The following FXN variants were observed in gnomAD, a reference collection of about 807,000 sequenced individuals.
FXN encodes frataxin, mitochondrial.
FXN carries 14 observed loss-of-function variants against 22.4 expected under a neutral mutation model. That is an observed-to-expected ratio of 0.62 (90% CI 0.41 to 0.98). The LOEUF (loss-of-function observed/expected upper bound fraction) is 0.98, where lower values mean the gene tolerates loss of function less well. Ranked by LOEUF, FXN falls within the 50% of genes least tolerant of loss-of-function variation. The pLI, the probability that FXN is intolerant of heterozygous loss-of-function variation, is 0.00. For missense variants in FXN, 267 were observed against 268.4 expected, an observed-to-expected ratio of 0.99 and a Z score of 0.04; for synonymous variants, 120 against 114.1, an observed-to-expected ratio of 1.05 and a Z score of -0.33.
At chr9:69,051,161 G>A (rs186035010) in intron 2 of FXN, among the ~76,000 whole-genome samples, 2 of 152,288 alleles carry the variant, frequency 1.3e-5, no homozygotes, top group Admixed American at 1.3e-4. Context: ...GCAATGGCAC[G>A]ATCACAGCTC....
chr9:69,038,561 C>T (rs1210653343), intron 1 of FXN, among the ~76,000 whole-genome samples: 2 of 152,170 alleles, frequency 1.3e-5, no homozygotes, highest in African/African-American at 2.4e-5. Flanking sequence ...CACGGTGGCT[C>T]ACGACTGTAA....
At chr9:69,037,904 G>A (rs1274756159) in intron 1 of FXN, among the ~76,000 whole-genome samples, 7 of 152,114 alleles carry the variant, frequency 4.6e-5, no homozygotes, top group African/African-American at 1.4e-4. Context: ...CGCCCACCTC[G>A]CCCTCCCAAA....
At chr9:69,042,823 C>A (rs765443063) in intron 1 of FXN, among the ~76,000 whole-genome samples, 3 of 152,180 alleles carry the variant, frequency 2.0e-5, no homozygotes, top group Non-Finnish European at 4.4e-5. Flanking sequence ...AGACACTTTT[C>A]CTTGGATGTT....
Position 69,035,855 on chromosome 9 carries a change from A to C in FXN, c.73A>C (p.Thr25Pro). ...CAGCCCAGCCCAGGCCCAGACCCTC[A>C]CCCGGGTCCCGCGGCCGGCAGAGTT... ...SPSPAQAQTL[T>P]RVPRPAELAP... The change falls in exon 1 of 5, where the codon ACC (threonine) becomes CCC (proline). Residue 25 changes from threonine to proline, a missense_variant. Coordinates refer to ENST00000484259, the MANE Select transcript of FXN (RefSeq NM_000144.5). 1 of 1,497,826 alleles carries C rather than the reference A, an allele frequency of 6.7e-7. No individual in the cohort carries two copies. The highest frequency in any genetic ancestry group is 8.8e-7 in the Non-Finnish European group (1 of 1,130,394). 92.8% of individuals were successfully genotyped at this position (1,497,826 alleles called of 1,614,324 possible). A position where few individuals can be genotyped will look rare whatever the true frequency, so the allele number is the denominator to read the frequency against.
chr9:69,049,284 T>G (rs1331908520), intron 2 of FXN, among the ~76,000 whole-genome samples: 1 of 152,114 alleles, frequency 6.6e-6, no homozygotes, highest in African/African-American at 2.4e-5. Flanking sequence ...CAGCCTCTCC[T>G]ACGCATTCTC....
intron 2 of FXN, among the ~76,000 whole-genome samples, chr9:69,049,999 C>A (rs1228068573): frequency 3.9e-5 from 6 of 152,230 alleles, no homozygotes. Flanking sequence ...CCAGCCCCTG[C>A]AAGCAAGCTG....
At chr9:69,053,897 C>G (rs908587376) in intron 3 of FXN, among the ~76,000 whole-genome samples, 2 of 152,188 alleles carry the variant, frequency 1.3e-5, no homozygotes, top group African/African-American at 4.8e-5. Flanking sequence ...ATGTGTATCC[C>G]TAGGTCTTAT....
chr9:69,078,902 C>A lies in FXN; in HGVS notation c.*6140C>A. On this transcript the variant is annotated 3_prime_UTR_variant, in exon 5 of 5. Coordinates refer to ENST00000484259, the MANE Select transcript of FXN (RefSeq NM_000144.5). ...CAGCACTGACCTACCATGTGTCACCCCTGCTTGGCTGTACCTTCCATGAGG... is the reference window on the plus strand; with the variant it reads ...CAGCACTGACCTACCATGTGTCACCACTGCTTGGCTGTACCTTCCATGAGG... 1 of 985,108 alleles carries A rather than the reference C, an allele frequency of 1.0e-6. No homozygotes were observed. Among genetic ancestry groups the A allele is most frequent in the Non-Finnish European group, 1.2e-6 (1 of 829,628 alleles). 61.0% of individuals were successfully genotyped at this position (985,108 alleles called of 1,614,324 possible).
At chr9:69,054,085 C>T (rs1831910831) in intron 3 of FXN, among the ~76,000 whole-genome samples, 1 of 151,976 alleles carries the variant, frequency 6.6e-6, no homozygotes, top group Admixed American at 6.5e-5. Flanking sequence ...GCTCACTGCT[C>T]CGCTTCCTGG....
At position 69,035,911 on chromosome 9, in the gene FXN, C is replaced by A. The variant is rs1411667581; in HGVS notation, c.129C>A (p.Arg43=). The change falls in exon 1 of 5, where the codon CGC becomes CGA. Residue 43 remains arginine, a synonymous_variant. Transcript: ENST00000484259. Reference sequence around the variant, plus strand: ...CACTCTGCGGCCGCCGTGGCCTGCGCACCGACATCGATGCGACCTGCACGC... The same window carrying A: ...CACTCTGCGGCCGCCGTGGCCTGCGAACCGACATCGATGCGACCTGCACGC... ...LAPLCGRRGL[R]TDIDATCTPR... 2.0e-6 allele frequency: 3 copies of A among 1,486,896 alleles called. No homozygotes were observed. Among genetic ancestry groups the A allele is most frequent in the Non-Finnish European group, 1.8e-6 (2 of 1,125,144 alleles). 92.1% of individuals were successfully genotyped at this position (1,486,896 alleles called of 1,614,324 possible).
At chr9:69,058,756 G>A (rs1465684249) in intron 3 of FXN, among the ~76,000 whole-genome samples, 2 of 152,198 alleles carry the variant, frequency 1.3e-5, no homozygotes, top group Non-Finnish European at 2.9e-5. Flanking sequence ...AAAAAGGAAA[G>A]TGACATGCAG....
chr9:69,071,270 T>C (rs773491164), intron 4 of FXN: 1 of 519,048 alleles, frequency 1.9e-6, no homozygotes, highest in Non-Finnish European at 3.8e-6. Context: ...TTTGGTTCAC[T>C]CATTTTTATC....
chr9:69,056,916 T>A (rs558158588), intron 3 of FXN, among the ~76,000 whole-genome samples: 25 of 141,222 alleles, frequency 1.8e-4, no homozygotes, highest in African/African-American at 5.9e-4. Context: ...CTAATTTTTT[T>A]ATATTTTTAG....
chr9:69,053,450 G>T (rs1831892081), intron 3 of FXN, among the ~76,000 whole-genome samples, 190 bp downstream of exon 3: 1 of 151,472 alleles, frequency 6.6e-6, no homozygotes, highest in African/African-American at 2.4e-5. Context: ...CAGCCTGGGT[G>T]ACAGAGCGAG....
At position 69,075,648 on chromosome 9, in the gene FXN, TC is replaced by T. The variant is rs1832352271; in HGVS notation, c.*2888del. 1.0e-6 allele frequency: 1 copy of T among 985,262 alleles called. No individual in the cohort carries two copies. Among genetic ancestry groups the T allele is most frequent in the African/African-American group, 1.7e-5 (1 of 57,220 alleles). 61.0% of individuals were successfully genotyped at this position (985,262 alleles called of 1,614,324 possible). A position where few individuals can be genotyped will look rare whatever the true frequency, so the allele number is the denominator to read the frequency against. On this transcript the variant is annotated 3_prime_UTR_variant, in exon 5 of 5. Coordinates refer to ENST00000484259, the MANE Select transcript of FXN (RefSeq NM_000144.5). ...CAGTCATCCATGTGAAGGATGAGTTTCCAGGAAAAGGTTATTAAATATTCAC... is the reference window on the plus strand; with the variant it reads ...CAGTCATCCATGTGAAGGATGAGTTTCAGGAAAAGGTTATTAAATATTCAC...
chr9:69,065,954 C>T (rs1389762476), intron 4 of FXN, among the ~76,000 whole-genome samples: 1 of 152,170 alleles, frequency 6.6e-6, no homozygotes, highest in Non-Finnish European at 1.5e-5. Flanking sequence ...TATATTGCTG[C>T]TCCAGGGCAT....
chr9:69,065,807 G>T (rs746688324), intron 4 of FXN, among the ~76,000 whole-genome samples: 1 of 152,108 alleles, frequency 6.6e-6, no homozygotes, highest in Non-Finnish European at 1.5e-5. Context: ...ACCTTGTAGC[G>T]TTTGAACAAG....
At position 69,052,605 on chromosome 9, in the gene FXN, C is replaced by T. The variant is rs568818014; in HGVS notation, c.264-535C>T. 9.5e-3 allele frequency among the ~76,000 whole-genome samples: 1,335 copies of T among 141,032 alleles called. 21 individuals are homozygous for T. The highest frequency in any genetic ancestry group is 0.034 in the African/African-American group (1,261 of 37,606). The allele number at this position is 141,032 out of a possible 152,430, so 92.5% of individuals were successfully genotyped here. A position where few individuals can be genotyped will look rare whatever the true frequency, so the allele number is the denominator to read the frequency against. The stretch of plus-strand genomic sequence containing the variant: ...TCGCCCAGGCTGGAGTGCAGTGGCG[C>T]AATCTCGGCTCACTGCAAGCTCCGC... On this transcript the variant is annotated intron_variant, in intron 2 of 4. Transcript: ENST00000484259.
chr9:69,039,866 C>T (rs767955696), intron 1 of FXN, among the ~76,000 whole-genome samples: 1 of 152,134 alleles, frequency 6.6e-6, no homozygotes, highest in Non-Finnish European at 1.5e-5. Flanking sequence ...AGTCAAGTCC[C>T]TTCTTGCTGG....
Sources: gnomAD v4.1 joint callset for allele counts (sites outside exome capture counted in the v4.1 genomes callset) on GRCh38, gnomAD v4.1.1 for gene constraint, MANE v1.5 for transcripts, NCBI Gene and HGNC (gene_info 2026-07-23, HGNC 2026-07-21) for gene names.